STAU1: variants seen among roughly 807,000 people sequenced by gnomAD.
The protein encoded by STAU1 is staufen double-stranded RNA binding protein 1, also known as double-stranded RNA-binding protein Staufen homolog 1.
In STAU1, 13 loss-of-function variants were observed where a neutral mutation model predicts 62.9. The ratio of observed to expected loss-of-function variants is 0.21; its 90% CI spans 0.13 to 0.33. The LOEUF (loss-of-function observed/expected upper bound fraction) is 0.33. Ranked by LOEUF, STAU1 falls within the 10% of genes least tolerant of loss-of-function variation. STAU1 has a pLI of 1.00. For missense variants in STAU1, 571 were observed against 712.1 expected, an observed-to-expected ratio of 0.80 and a Z score of 2.25; for synonymous variants, 269 against 265.1, an observed-to-expected ratio of 1.01 and a Z score of -0.14.
chr20:49,118,218 A>C (rs145951383), intron 10 of STAU1, 115 bp downstream of exon 10: 4 of 1,373,372 alleles, frequency 2.9e-6, no homozygotes, highest in Non-Finnish European at 3.1e-6. Context: ...GAATCAGGGA[A>C]TGATAAAGAC....
chr20:49,160,795 T>C (rs901321215), intron 3 of STAU1, among the ~76,000 whole-genome samples: 2 of 152,116 alleles, frequency 1.3e-5, no homozygotes, highest in Non-Finnish European at 2.9e-5. Flanking sequence ...AGCCAGGCAA[T>C]TGCATCTTCA....
At chr20:49,127,170 T>C (rs1334870665) in intron 6 of STAU1, among the ~76,000 whole-genome samples, 1 of 150,514 alleles carries the variant, frequency 6.6e-6, no homozygotes, top group Non-Finnish European at 1.5e-5. Flanking sequence ...CTGGCCAACA[T>C]AGTGAAACCC....
At chr20:49,213,951 C>A in the STAU1 span, among the ~76,000 whole-genome samples, 2 of 152,220 alleles carry the variant, frequency 1.3e-5, no homozygotes, top group Non-Finnish European at 2.9e-5. Flanking sequence ...GTGGCTCATG[C>A]CTGTAATCCC....
At chr20:49,187,061 G>C (rs1239108121) in intron 1 of STAU1, among the ~76,000 whole-genome samples, 1 of 152,162 alleles carries the variant, frequency 6.6e-6, no homozygotes, top group Non-Finnish European at 1.5e-5. Context: ...TCGAGGTGTA[G>C]AGCAAGACAA....
the STAU1 span, among the ~76,000 whole-genome samples, chr20:49,197,692 G>C: frequency 6.6e-6 from 1 of 151,844 alleles, no homozygotes; most frequent in African/African-American, 2.4e-5. Context: ...ATGAGCCACG[G>C]TGCTGGGCCT....
chr20:49,179,300 C>T (rs994775531), intron 1 of STAU1: 11 of 151,360 alleles, frequency 7.3e-5, no homozygotes, highest in Non-Finnish European at 1.6e-4. Flanking sequence ...GTCCCTTATG[C>T]AAAAGAAAGC....
At chr20:49,167,816 T>C (rs1435117328) in intron 2 of STAU1, among the ~76,000 whole-genome samples, 1 of 152,184 alleles carries the variant, frequency 6.6e-6, no homozygotes, top group East Asian at 1.9e-4. Flanking sequence ...GAGAGCACTT[T>C]TTAAAACAAA....
At chr20:49,138,964 T>C (rs376686122) in intron 5 of STAU1, among the ~76,000 whole-genome samples, 3 of 152,098 alleles carry the variant, frequency 2.0e-5, no homozygotes, top group South Asian at 2.1e-4. Flanking sequence ...ACCAATCTAA[T>C]AGTTAAATAG....
chr20:49,185,877 T>C lies in STAU1; in HGVS notation c.-160+2239A>G, dbSNP rs530779031. ...TATAGTTGTTTGCTTATGTGTTTTTTTTGTTTTGTTTTTTTGGAGAGAGTC... is the reference window on the plus strand; with the variant it reads ...TATAGTTGTTTGCTTATGTGTTTTTCTTGTTTTGTTTTTTTGGAGAGAGTC... On this transcript the variant is annotated intron_variant, in intron 1 of 13. Transcript: ENST00000371856. Among the ~76,000 whole-genome samples, 259 of 152,236 alleles carry C rather than the reference T, an allele frequency of 1.7e-3. 1 individual carries two copies. Among genetic ancestry groups the C allele is most frequent in the African/African-American group, 6.0e-3 (248 of 41,580 alleles).
intron 1 of STAU1, among the ~76,000 whole-genome samples, chr20:49,181,658 C>T (rs1396314398): frequency 1.3e-5 from 2 of 149,402 alleles, no homozygotes; most frequent in Non-Finnish European, 3.0e-5. Flanking sequence ...CTCAGCTACT[C>T]GGGAGGCTAA....
intron 2 of STAU1, among the ~76,000 whole-genome samples, chr20:49,166,979 T>C (rs2093535561): frequency 6.6e-6 from 1 of 152,166 alleles, no homozygotes; most frequent in Non-Finnish European, 1.5e-5. Context: ...GAATTTATAC[T>C]ATTAAAAGCA....
chr20:49,185,891 T>C (rs542399791), intron 1 of STAU1, among the ~76,000 whole-genome samples: 2 of 152,220 alleles, frequency 1.3e-5, no homozygotes, highest in Admixed American at 1.3e-4. Flanking sequence ...TTTTGTTTTT[T>C]TGGAGAGAGT....
intron 6 of STAU1, among the ~76,000 whole-genome samples, chr20:49,125,213 A>AAAAAAC: frequency 6.8e-6 from 1 of 146,700 alleles, no homozygotes; most frequent in Non-Finnish European, 1.5e-5. Context: ...AAAAAAAAAA[A>AAAAAAC]AAAAAAAAAA....
chr20:49,126,995 T>C (rs952490436), intron 6 of STAU1, among the ~76,000 whole-genome samples: 2 of 152,120 alleles, frequency 1.3e-5, no homozygotes, highest in African/African-American at 4.8e-5. Context: ...GCCTCAAGAC[T>C]GTAAGGCTGG....
At chr20:49,136,880 T>C (rs1431360675) in intron 5 of STAU1, among the ~76,000 whole-genome samples, 1 of 152,154 alleles carries the variant, frequency 6.6e-6, no homozygotes, top group Non-Finnish European at 1.5e-5. Flanking sequence ...GTATTTTTAG[T>C]AGATACGGGG....
intron 13 of STAU1, among the ~76,000 whole-genome samples, chr20:49,115,301 GTTT>G (rs893795269): frequency 8.6e-5 from 13 of 152,014 alleles, no homozygotes; most frequent in Admixed American, 2.6e-4. Context: ...ACTCAAAAAG[GTTT>G]TTTTGTTTTT....
intron 1 of STAU1, among the ~76,000 whole-genome samples, chr20:49,181,208 A>G (rs771819370): frequency 2.0e-5 from 3 of 152,214 alleles, no homozygotes; most frequent in Non-Finnish European, 4.4e-5. Context: ...CAACTTTTAT[A>G]TTATTAGGTA....
At chr20:49,207,802 G>A in the STAU1 span, among the ~76,000 whole-genome samples, 10 of 152,156 alleles carry the variant, frequency 6.6e-5, no homozygotes, top group African/African-American at 2.4e-4. Context: ...TTATAGGCGT[G>A]AGCCACCACG....
At chr20:49,175,274 T>G (rs900567345) in intron 1 of STAU1, among the ~76,000 whole-genome samples, 50 of 151,312 alleles carry the variant, frequency 3.3e-4, no homozygotes, top group Non-Finnish European at 4.6e-4. Flanking sequence ...GAGGTTGCAG[T>G]GAGCCAAGAT....
Sources: allele counts gnomAD v4.1 joint callset (sites outside exome capture counted in the v4.1 genomes callset), GRCh38; gene constraint gnomAD v4.1.1; transcripts MANE v1.5; gene names NCBI Gene and HGNC (gene_info 2026-07-23, HGNC 2026-07-21).